ADAMTSL3: variants seen among roughly 807,000 people sequenced by gnomAD.
ADAMTSL3 encodes ADAMTS like 3.
A neutral mutation model predicts 201.7 loss-of-function variants in ADAMTSL3; 128 were observed. The ratio of observed to expected loss-of-function variants is 0.63; its 90% CI spans 0.55 to 0.73. The LOEUF (loss-of-function observed/expected upper bound fraction) is 0.73. ADAMTSL3 is among the 30% of genes least tolerant of loss of function. The probability of loss-of-function intolerance (pLI) is 0.00; values close to 1 mark genes in which losing one functional copy is unlikely to be tolerated. For missense variants in ADAMTSL3, 1,990 were observed against 2,119.6 expected (o/e 0.94, Z 1.20); for synonymous variants, 738 against 748.4 (o/e 0.99, Z 0.23).
At chr15:83,891,293 A>G (rs1192257746) in intron 11 of ADAMTSL3, 36 bp from the exon 12 acceptor site, 1 of 1,491,278 alleles carries the variant, frequency 6.7e-7, no homozygotes, top group Non-Finnish European at 9.3e-7. Flanking sequence ...TTAATTTATT[A>G]TAGAAATGAT....
intron 2 of ADAMTSL3, among the ~76,000 whole-genome samples, chr15:83,663,402 G>T (rs566267336): frequency 1.2e-3 from 176 of 152,278 alleles, no homozygotes; most frequent in African/African-American, 4.1e-3. Context: ...GGCATTATGT[G>T]TTATTTAAAC....
chr15:83,714,315 G>A (rs1339382796), intron 3 of ADAMTSL3, among the ~76,000 whole-genome samples: 1 of 152,142 alleles, frequency 6.6e-6, no homozygotes, highest in East Asian at 1.9e-4. Context: ...GGCAAGTGGG[G>A]GCACAGGTGT....
Position 83,942,991 on chromosome 15 carries a change from A to G in ADAMTSL3, c.2399A>G (p.Asp800Gly), listed in dbSNP as rs776827785. 29 of 1,613,968 alleles carry G rather than the reference A, an allele frequency of 1.8e-5. No individual in the cohort carries two copies. Among genetic ancestry groups the G allele is most frequent in the South Asian group, 3.3e-5 (3 of 91,068 alleles). ...LTDGSFLNLS[D>G]ELCQGPKASS... The stretch of plus-strand genomic sequence containing the variant: ...GATGGCAGCTTTTTGAATCTCTCAG[A>G]TGAATTGTGCCAAGGACCCAAGGCA... The change falls in exon 19 of 30, where the codon GAT becomes GGT. Residue 800 changes from aspartate to glycine, a missense_variant. Physicochemically the swap from Asp to Gly is moderately conservative, Grantham distance 94. Transcript: ENST00000286744.
At chr15:83,972,741 A>G (rs1430531649) in intron 20 of ADAMTSL3, among the ~76,000 whole-genome samples, 1 of 152,142 alleles carries the variant, frequency 6.6e-6, no homozygotes, top group East Asian at 1.9e-4. Context: ...ACAGGAATGC[A>G]TGCTCCCAGC....
chr15:83,992,468 C>G (rs915720522), intron 23 of ADAMTSL3, among the ~76,000 whole-genome samples: 2 of 152,154 alleles, frequency 1.3e-5, no homozygotes, highest in African/African-American at 2.4e-5. Context: ...CAGAAAGGGC[C>G]GGCATTCTCT....
intron 6 of ADAMTSL3, among the ~76,000 whole-genome samples, chr15:83,820,725 CTGTGACAAA>C (rs1337507185): frequency 2.0e-5 from 3 of 152,178 alleles, no homozygotes; most frequent in Admixed American, 6.5e-5. Context: ...CTCTGCAGAG[CTGTGACAAA>C]TGTGACTGAG....
In ADAMTSL3 at chr15:83,920,948, G is replaced by T. The variant is rs78652267; in HGVS notation, c.1988-2956G>T. Among the ~76,000 whole-genome samples, 86 of 152,164 alleles carry T rather than the reference G, an allele frequency of 5.7e-4. 1 individual carries two copies. In the South Asian group the frequency reaches 0.016, roughly 28 times the overall value. On this transcript the variant is annotated intron_variant, in intron 16 of 29. Coordinates refer to ENST00000286744, the MANE Select transcript of ADAMTSL3 (RefSeq NM_207517.3). ...ATTTTCAAGTTTCCCCCCACTTATT[G>T]TTATATTCAATCCAAGTTCTTATAA...
intron 23 of ADAMTSL3, among the ~76,000 whole-genome samples, chr15:83,995,579 CCAAGA>C (rs1485017576): frequency 4.6e-5 from 7 of 151,950 alleles, no homozygotes; most frequent in Admixed American, 3.3e-4. Context: ...AAATTAGAAA[CCAAGA>C]CTAGATAACT....
At chr15:83,838,394 C>A (rs1204434752) in intron 7 of ADAMTSL3, among the ~76,000 whole-genome samples, 179 bp downstream of exon 7, 1 of 152,134 alleles carries the variant, frequency 6.6e-6, no homozygotes, top group Admixed American at 6.5e-5. Context: ...CCCATTATAT[C>A]TTTGAAGAGG....
intron 3 of ADAMTSL3, among the ~76,000 whole-genome samples, chr15:83,732,282 G>T (rs1048346537): frequency 6.6e-6 from 1 of 152,034 alleles, no homozygotes; most frequent in South Asian, 2.1e-4. Context: ...AGACTGTAAT[G>T]TGTGTTTTCC....
chr15:83,885,605 G>A (rs975981014), intron 10 of ADAMTSL3, among the ~76,000 whole-genome samples: 27 of 152,262 alleles, frequency 1.8e-4, no homozygotes, highest in African/African-American at 6.5e-4. Flanking sequence ...GTCAATGGGT[G>A]TGTTGGTTCT....
intron 10 of ADAMTSL3, 88 bp downstream of exon 10, chr15:83,885,300 G>C (rs947432466): frequency 9.5e-6 from 10 of 1,050,474 alleles, no homozygotes; most frequent in African/African-American, 1.6e-5. Flanking sequence ...TTTAAAATTG[G>C]TGTGGTGATT....
intron 2 of ADAMTSL3, among the ~76,000 whole-genome samples, chr15:83,694,100 A>G (rs2061648379): frequency 6.6e-6 from 1 of 152,190 alleles, no homozygotes; most frequent in South Asian, 2.1e-4. Flanking sequence ...TGGGGCCCTG[A>G]GAGCATGTTC....
intron 11 of ADAMTSL3, 126 bp from the exon 12 acceptor site, chr15:83,891,203 C>A: frequency 1.3e-6 from 1 of 772,166 alleles, no homozygotes; most frequent in Non-Finnish European, 2.1e-6. Context: ...GTTGATAACA[C>A]TTGATATTTT....
chr15:83,870,857 C>T lies in ADAMTSL3; in HGVS notation c.858C>T (p.Pro286=), dbSNP rs759129332. 2.5e-5 allele frequency: 41 copies of T among 1,612,930 alleles called. No homozygotes were observed. Among genetic ancestry groups the T allele is most frequent in the South Asian group, 8.8e-5 (8 of 90,820 alleles). Residue 286 remains proline (P), a synonymous_variant, in exon 9 of 30, where the codon CCC becomes CCT. Transcript: ENST00000286744. ...GSKGEHSFNS[P]GVFLVENTTV... is the part of the protein sequence containing the mutation. ...AAGGAGAACACAGCTTTAACAGCCC[C>T]GGCGTCTTTCTCGTAGAAAACACAA... is the stretch of plus-strand genomic sequence containing the variant.
At chr15:83,773,378 TG>T in intron 3 of ADAMTSL3, 144 bp from the exon 4 acceptor site, 1 of 894,224 alleles carries the variant, frequency 1.1e-6, no homozygotes, top group African/African-American at 1.7e-5. Context: ...ATTGCACTCC[TG>T]GGCAATAAGA....
intron 3 of ADAMTSL3, among the ~76,000 whole-genome samples, chr15:83,754,399 C>T (rs547437504): frequency 6.6e-6 from 1 of 152,106 alleles, no homozygotes; most frequent in African/African-American, 2.4e-5. Context: ...CAAGCGTTCA[C>T]CGGAGAGAGC....
At chr15:83,842,163 C>G (rs1320365794) in intron 7 of ADAMTSL3, among the ~76,000 whole-genome samples, 5 of 150,454 alleles carry the variant, frequency 3.3e-5, no homozygotes, top group African/African-American at 1.2e-4. Flanking sequence ...CACACATGGG[C>G]TTGGAGAATG....
intron 3 of ADAMTSL3, among the ~76,000 whole-genome samples, chr15:83,726,711 T>C (rs2062181390): frequency 6.6e-6 from 1 of 152,144 alleles, no homozygotes; most frequent in South Asian, 2.1e-4. Flanking sequence ...TTTGCATATG[T>C]TAAACCATCC....
Sources: gnomAD v4.1 joint callset for allele counts (sites outside exome capture counted in the v4.1 genomes callset) on GRCh38, gnomAD v4.1.1 for gene constraint, MANE v1.5 for transcripts, NCBI Gene and HGNC (gene_info 2026-07-23, HGNC 2026-07-21) for gene names.